TLX1: variants seen among roughly 807,000 people sequenced by gnomAD.
The protein encoded by TLX1 is T cell leukemia homeobox 1, also known as T-cell leukemia homeobox protein 1.
In TLX1, 6 loss-of-function variants were observed where a neutral mutation model predicts 26.5. That is an observed-to-expected ratio of 0.23 (90% CI 0.12 to 0.45). The LOEUF (loss-of-function observed/expected upper bound fraction) is 0.45. Ranked by LOEUF, TLX1 falls within the 20% of genes least tolerant of loss-of-function variation. TLX1 has a pLI of 0.99. For synonymous variants in TLX1, 217 were observed against 219.7 expected, an observed-to-expected ratio of 0.99 and a Z score of 0.11; for missense variants, 418 against 482.6, an observed-to-expected ratio of 0.87 and a Z score of 1.25.
chr10:101,136,190 G>T (rs1940290488), intron 2 of TLX1, among the ~76,000 whole-genome samples: 1 of 152,244 alleles, frequency 6.6e-6, no homozygotes, highest in South Asian at 2.1e-4. Flanking sequence ...GCTCCACACA[G>T]AAGGCCCAAG....
rs1386844530 is a variant in TLX1, at chr10:101,137,710, A to C, written c.*797A>C. The C allele has an allele frequency of 3.0e-5, 7 of 230,698 alleles. No homozygotes were observed. Among genetic ancestry groups the C allele is most frequent in the Admixed American group, 2.8e-4 (5 of 17,678 alleles). The allele number at this position is 230,698 out of a possible 1,614,324, so 14.3% of individuals were successfully genotyped here. ...GGGGGTGTTAATTTATGCACTTATA[A>C]GGTGTTTTCTGTGTAACCATTTTAT... On this transcript the variant is annotated 3_prime_UTR_variant, in exon 3 of 3. Transcript: ENST00000370196.
intron 1 of TLX1, among the ~76,000 whole-genome samples, chr10:101,133,321 T>C (rs911463004): frequency 6.6e-6 from 1 of 152,250 alleles, no homozygotes; most frequent in African/African-American, 2.4e-5. Flanking sequence ...TACCAGACTC[T>C]GGGGCCACGG....
In TLX1 at chr10:101,131,892, C is replaced by T; in HGVS notation, c.351C>T (p.Gly117=). Residue 117 remains glycine (G), a synonymous_variant, in exon 1 of 3, where the codon GGC becomes GGT. Coordinates refer to ENST00000370196, the MANE Select transcript of TLX1 (RefSeq NM_005521.4). The stretch of plus-strand genomic sequence containing the variant: ...GCGGCCCCGGTCCTGGCGGCGGCGG[C>T]GGCAGCAGCGGCGGTGCCGGGGCAC... The part of the protein sequence containing the change: ...LAGGPGPGGG[G]GSSGGAGALS... The T allele has an allele frequency of 7.2e-7, 1 of 1,394,168 alleles. No homozygotes were observed. The highest frequency in any genetic ancestry group is 9.2e-7 in the Non-Finnish European group (1 of 1,082,518). 86.4% of individuals were successfully genotyped at this position (1,394,168 alleles called of 1,614,324 possible).
chr10:101,134,953 G>T (rs1052508451), intron 2 of TLX1, among the ~76,000 whole-genome samples: 3 of 152,254 alleles, frequency 2.0e-5, no homozygotes, highest in African/African-American at 7.2e-5. Context: ...GGGGTTTCGC[G>T]GGTCCCACTG....
At chr10:101,136,307 C>A (rs1224136763) in intron 2 of TLX1, among the ~76,000 whole-genome samples, 1 of 152,154 alleles carries the variant, frequency 6.6e-6, no homozygotes, top group Non-Finnish European at 1.5e-5. Context: ...AGGGTGAGGG[C>A]CCTCTGGCTT....
At chr10:101,136,258 AC>A (rs1053489562) in intron 2 of TLX1, among the ~76,000 whole-genome samples, 3 of 152,152 alleles carry the variant, frequency 2.0e-5, no homozygotes, top group Non-Finnish European at 4.4e-5. Flanking sequence ...AGCAGATCGT[AC>A]CCGCTGGTCC....
chr10:101,132,019 G>C lies in TLX1; in HGVS notation c.478G>C (p.Val160Leu). 5.9e-6 allele frequency: 9 copies of C among 1,522,012 alleles called. No individual in the cohort carries two copies. Among genetic ancestry groups the C allele is most frequent in the Non-Finnish European group, 7.9e-6 (9 of 1,143,238 alleles). The allele number at this position is 1,522,012 out of a possible 1,614,324, so 94.3% of individuals were successfully genotyped here. Residue 160 changes from valine (V) to leucine (L), a missense_variant, in exon 1 of 3, where the codon GTG becomes CTG. Physicochemically the swap from Val to Leu is conservative, Grantham distance 32. Transcript: ENST00000370196. This position sits in a 1 kb window ranked among gnomAD's most constrained non-coding sequence, Gnocchi z 4.1. ...CACCGGCTTGCCCACCGTGCCCTCT[G>C]TGCCTGCCATGCCGGGCGTCAACAA... ...LATGLPTVPS[V>L]PAMPGVNNLT...
At position 101,131,616 on chromosome 10, in the gene TLX1, C is replaced by T. The variant is rs780434498; in HGVS notation, c.75C>T (p.Leu25=). 1.3e-6 allele frequency: 2 copies of T among 1,568,762 alleles called. No individual in the cohort carries two copies. The highest frequency in any genetic ancestry group is 1.2e-5 in the South Asian group (1 of 86,734). ...EPISFGIDQI[L]NSPDQGGCMG... ...TTAGCTTCGGCATCGACCAGATCCT[C>T]AACAGCCCGGACCAGGGTGGCTGCA... The change falls in exon 1 of 3, where the codon CTC becomes CTT. Residue 25 remains leucine, a synonymous_variant. Coordinates refer to ENST00000370196, the MANE Select transcript of TLX1 (RefSeq NM_005521.4).
rs1322444359 is a variant in TLX1, at chr10:101,131,973, G to A, written c.432G>A (p.Val144=). ...VPAHRPLAGA[V]AHPQPLATGL... is the part of the protein sequence containing the mutation. ...CACACAGGCCGCTCGCCGGAGCCGT[G>A]GCCCACCCCCAGCCCCTGGCCACCG... is the stretch of plus-strand genomic sequence containing the variant. Residue 144 remains valine (V), a synonymous_variant, in exon 1 of 3, where the codon GTG becomes GTA. Coordinates refer to ENST00000370196, the MANE Select transcript of TLX1 (RefSeq NM_005521.4). The A allele has an allele frequency of 2.7e-6, 4 of 1,508,320 alleles. No individual in the cohort carries two copies. Among genetic ancestry groups the A allele is most frequent in the Non-Finnish European group, 3.5e-6 (4 of 1,135,400 alleles). The allele number at this position is 1,508,320 out of a possible 1,614,324, so 93.4% of individuals were successfully genotyped here.
Position 101,137,005 on chromosome 10 carries a change from A to T in TLX1, c.*92A>T. ...CTCCTCCCCACCCTCCTGGCCTCAG[A>T]CTGCACCCAGGAGGGGAACACTGCC... On this transcript the variant is annotated 3_prime_UTR_variant, in exon 3 of 3. Transcript: ENST00000370196. 1 of 1,494,762 alleles carries T rather than the reference A, an allele frequency of 6.7e-7. No individual in the cohort carries two copies. Among genetic ancestry groups the T allele is most frequent in the Non-Finnish European group, 9.0e-7 (1 of 1,106,256 alleles). 92.6% of individuals were successfully genotyped at this position (1,494,762 alleles called of 1,614,324 possible).
chr10:101,132,063 C>T lies in TLX1; in HGVS notation c.522C>T (p.Phe174=). Residue 174 remains phenylalanine, a synonymous_variant, in exon 1 of 3, where the codon TTC becomes TTT. Transcript: ENST00000370196. The surrounding 1 kb of genome is among the most constrained non-coding windows in gnomAD (Gnocchi z 4.1). ...PGVNNLTGLT[F]PWMESNRRYT... is the part of the protein sequence containing the mutation. Reference sequence around the variant, plus strand: ...TCAACAACCTCACTGGCCTCACCTTCCCCTGGATGGAGAGTAACCGCAGAT... The same window carrying T: ...TCAACAACCTCACTGGCCTCACCTTTCCCTGGATGGAGAGTAACCGCAGAT... 6.8e-7 allele frequency: 1 copy of T among 1,472,168 alleles called. No homozygotes were observed. The highest frequency in any genetic ancestry group is 8.9e-7 in the Non-Finnish European group (1 of 1,117,882). The allele number at this position is 1,472,168 out of a possible 1,614,324, so 91.2% of individuals were successfully genotyped here.
intron 2 of TLX1, 137 bp from the exon 3 acceptor site, chr10:101,136,554 G>T: frequency 6.9e-7 from 1 of 1,447,944 alleles, no homozygotes. Flanking sequence ...ACGCGTTATA[G>T]GGGCCCAAAC....
chr10:101,134,122 T>G, intron 1 of TLX1, 53 bp from the exon 2 acceptor site: 1 of 1,512,862 alleles, frequency 6.6e-7, no homozygotes, highest in Non-Finnish European at 8.9e-7. Context: ...CTGCCGTCTG[T>G]CTGTCTCCCG....
In TLX1 at chr10:101,134,407, G is replaced by A. The variant is rs374843282; in HGVS notation, c.770+31G>A. The A allele has an allele frequency of 2.6e-6, 4 of 1,512,834 alleles. No individual in the cohort carries two copies. The African/African-American group carries it at 4.2e-5, about 16-fold the overall frequency. 93.7% of individuals were successfully genotyped at this position (1,512,834 alleles called of 1,614,324 possible). A position where few individuals can be genotyped will look rare whatever the true frequency, so the allele number is the denominator to read the frequency against. ...CAAGCGGGGCGGGCCGGCCGCCCGC[G>A]AGCGGCGCGGTCTCAGGCAGCTCTC... On this transcript the variant is annotated intron_variant, in intron 2 of 2. Transcript: ENST00000370196.
Position 101,132,013 on chromosome 10 carries a change from C to T in TLX1, c.472C>T (p.Pro158Ser), listed in dbSNP as rs1940188152. The change falls in exon 1 of 3, where the codon CCC becomes TCC. Residue 158 changes from proline (P) to serine (S), a missense_variant. Physicochemically the swap from Pro to Ser is moderately conservative, Grantham distance 74. This residue lies in a region of TLX1 where 322 missense variants were observed against 344.6 expected (regional missense o/e 0.93). Transcript: ENST00000370196. This position sits in a 1 kb window ranked among gnomAD's most constrained non-coding sequence, Gnocchi z 4.1. ...QPLATGLPTV[P>S]SVPAMPGVNN... ...CCTGGCCACCGGCTTGCCCACCGTGCCCTCTGTGCCTGCCATGCCGGGCGT... is the reference window on the plus strand; with the variant it reads ...CCTGGCCACCGGCTTGCCCACCGTGTCCTCTGTGCCTGCCATGCCGGGCGT... The T allele has an allele frequency of 1.3e-6, 2 of 1,523,024 alleles. No individual in the cohort carries two copies. The highest frequency in any genetic ancestry group is 1.7e-6 in the Non-Finnish European group (2 of 1,144,152). The allele number at this position is 1,523,024 out of a possible 1,614,324, so 94.3% of individuals were successfully genotyped here.
In TLX1 at chr10:101,136,739, C is replaced by T. The variant is rs1338140447; in HGVS notation, c.819C>T (p.Arg273=). The part of the protein sequence containing the change: ...EREAERQQAN[R]ILLQLQQEAF... Reference sequence around the variant, plus strand: ...AGGCCGAGAGGCAGCAAGCGAACCGCATCCTCCTGCAGTTGCAGCAGGAGG... The same window carrying T: ...AGGCCGAGAGGCAGCAAGCGAACCGTATCCTCCTGCAGTTGCAGCAGGAGG... The change falls in exon 3 of 3, where the codon CGC becomes CGT. Residue 273 remains arginine (R), a synonymous_variant. Transcript: ENST00000370196. 6.2e-7 allele frequency: 1 copy of T among 1,613,200 alleles called. No individual in the cohort carries two copies. Among genetic ancestry groups the T allele is most frequent in the East Asian group, 2.2e-5 (1 of 44,864 alleles).
At position 101,134,383 on chromosome 10, in the gene TLX1, A is replaced by G. The variant is rs1564676756; in HGVS notation, c.770+7A>G. On this transcript the variant is annotated splice_region_variant and intron_variant, in intron 2 of 2. Coordinates refer to ENST00000370196, the MANE Select transcript of TLX1 (RefSeq NM_005521.4). ...ACCGGCGGACAAAGTGGAGGTGAGC[A>G]AGCGGGGCGGGCCGGCCGCCCGCGA... 6.4e-7 allele frequency: 1 copy of G among 1,565,142 alleles called. No homozygotes were observed. Among genetic ancestry groups the G allele is most frequent in the East Asian group, 2.3e-5 (1 of 43,256 alleles).
rs1339446875 is a variant in TLX1, at chr10:101,131,494, G to T, written c.-48G>T. On this transcript the variant is annotated 5_prime_UTR_variant, in exon 1 of 3. Transcript: ENST00000370196. Reference sequence around the variant, plus strand: ...CCCTGCTAGCTGCCCCCCGAGCCGAGCGCAGCGAGCGCCGCCGCCCGGGCC... The same window carrying T: ...CCCTGCTAGCTGCCCCCCGAGCCGATCGCAGCGAGCGCCGCCGCCCGGGCC... The T allele has an allele frequency of 2.9e-6, 4 of 1,382,918 alleles. No individual in the cohort carries two copies. Among genetic ancestry groups the T allele is most frequent in the African/African-American group, 1.5e-5 (1 of 65,980 alleles). The allele number at this position is 1,382,918 out of a possible 1,614,324, so 85.7% of individuals were successfully genotyped here. A position where few individuals can be genotyped will look rare whatever the true frequency, so the allele number is the denominator to read the frequency against.
Position 101,132,397 on chromosome 10 carries a change from C to A in TLX1, c.568+288C>A, listed in dbSNP as rs1185680586. On this transcript the variant is annotated intron_variant, in intron 1 of 2. Transcript: ENST00000370196. The surrounding 1 kb of genome is among the most constrained non-coding windows in gnomAD (Gnocchi z 4.1). ...GCCGGGTCAGGCAGAGAGAAGGAGG[C>A]CATAGATTCAGGACCACCTTCTGCA... 1.3e-5 allele frequency among the ~76,000 whole-genome samples: 2 copies of A among 152,250 alleles called. No individual in the cohort carries two copies. The highest frequency in any genetic ancestry group is 2.9e-5 in the Non-Finnish European group (2 of 68,046).
Sources: allele counts gnomAD v4.1 joint callset (sites outside exome capture counted in the v4.1 genomes callset), GRCh38; gene constraint gnomAD v4.1.1; regional missense constraint gnomAD v4.1.1; non-coding constraint Gnocchi (gnomAD v3.1); transcripts MANE v1.5; gene names NCBI Gene and HGNC (gene_info 2026-07-23, HGNC 2026-07-21).